Variants in PLEKHG1 observed in about 807,000 individuals in gnomAD.
The protein encoded by PLEKHG1 is pleckstrin homology domain-containing family G member 1.
Under a neutral mutation model 100.8 loss-of-function variants are expected in PLEKHG1, and 44 were observed. The observed-to-expected ratio is 0.44, with a 90% CI of 0.34 to 0.56. The LOEUF (loss-of-function observed/expected upper bound fraction) is 0.56, where lower values mean the gene tolerates loss of function less well. PLEKHG1 is among the 20% of genes least tolerant of loss of function. The probability of loss-of-function intolerance (pLI) is 0.01; values close to 1 mark genes in which losing one functional copy is unlikely to be tolerated. For missense variants in PLEKHG1, 1,545 were observed against 1,720.9 expected (o/e 0.90, Z 1.81); for synonymous variants, 640 against 662.5 (o/e 0.97, Z 0.52).
At chr6:150,758,463 G>A (rs1054043833) in intron 2 of PLEKHG1, among the ~76,000 whole-genome samples, 4 of 152,066 alleles carry the variant, frequency 2.6e-5, no homozygotes, top group Non-Finnish European at 5.9e-5. Flanking sequence ...AGCCTCCCGA[G>A]TAGCTGGAAT....
intron 3 of PLEKHG1, among the ~76,000 whole-genome samples, chr6:150,659,311 T>A (rs878914734): frequency 6.6e-6 from 1 of 152,204 alleles, no homozygotes; most frequent in Non-Finnish European, 1.5e-5. Flanking sequence ...CAGTTTTAAT[T>A]CAAGTGTTCT....
At chr6:150,672,624 G>T (rs1779619359) in intron 3 of PLEKHG1, among the ~76,000 whole-genome samples, 1 of 152,136 alleles carries the variant, frequency 6.6e-6, no homozygotes, top group Non-Finnish European at 1.5e-5. Flanking sequence ...GATAATTAAA[G>T]GAATGGAAAA....
At chr6:150,669,543 C>A (rs1366431812) in intron 3 of PLEKHG1, among the ~76,000 whole-genome samples, 4 of 150,970 alleles carry the variant, frequency 2.6e-5, no homozygotes, top group Non-Finnish European at 4.4e-5. Flanking sequence ...GTTACTGGAA[C>A]TGTGTATTTA....
chr6:150,655,038 T>A (rs558297129), intron 3 of PLEKHG1, among the ~76,000 whole-genome samples: 1 of 152,366 alleles, frequency 6.6e-6, no homozygotes, highest in South Asian at 2.1e-4. Context: ...AAAATCATTA[T>A]ACAAACCAAA....
intron 1 of PLEKHG1, among the ~76,000 whole-genome samples, chr6:150,633,802 C>T (rs1013981758): frequency 1.3e-5 from 2 of 152,086 alleles, no homozygotes; most frequent in Non-Finnish European, 2.9e-5. Flanking sequence ...TATCATCCTC[C>T]GTGGAGGCTG....
intron 3 of PLEKHG1, among the ~76,000 whole-genome samples, chr6:150,690,855 C>G (rs1780325481): frequency 6.6e-6 from 1 of 152,202 alleles, no homozygotes; most frequent in Non-Finnish European, 1.5e-5. Context: ...ATTCTGTTCT[C>G]CTGCTTTTGG....
At chr6:150,648,198 AC>A (rs1778578822) in intron 2 of PLEKHG1, among the ~76,000 whole-genome samples, 1 of 152,094 alleles carries the variant, frequency 6.6e-6, no homozygotes, top group South Asian at 2.1e-4. Flanking sequence ...AATGATCTTA[AC>A]CTTTACTATT....
At chr6:150,749,049 C>T (rs940903435) in intron 2 of PLEKHG1, among the ~76,000 whole-genome samples, 3 of 152,024 alleles carry the variant, frequency 2.0e-5, no homozygotes, top group African/African-American at 2.4e-5. Flanking sequence ...TGATTAGCAC[C>T]GACCTGGCAT....
chr6:150,786,349 G>C (rs904874804), intron 3 of PLEKHG1, 41 bp from the exon 5 acceptor site: 3 of 1,292,634 alleles, frequency 2.3e-6, no homozygotes, highest in Non-Finnish European at 3.4e-6. Context: ...TCACCCAGAA[G>C]ACTACAATCT....
chr6:150,771,964 T>G (rs1784734820), intron 3 of PLEKHG1, among the ~76,000 whole-genome samples: 2 of 152,192 alleles, frequency 1.3e-5, no homozygotes, highest in Admixed American at 1.3e-4. Flanking sequence ...TTTCTTTGTG[T>G]CTTATTTGCT....
intron 1 of PLEKHG1, among the ~76,000 whole-genome samples, chr6:150,732,758 G>T (rs1782338480): frequency 6.6e-6 from 1 of 152,128 alleles, no homozygotes; most frequent in Admixed American, 6.5e-5. Context: ...GCTAATTTTT[G>T]TGTTTTTTAG....
At chr6:150,681,990 C>A (rs1042577765) in intron 3 of PLEKHG1, among the ~76,000 whole-genome samples, 1 of 152,182 alleles carries the variant, frequency 6.6e-6, no homozygotes, top group Non-Finnish European at 1.5e-5. Flanking sequence ...TCTAAAAAGC[C>A]TATTAACACA....
exon 15 of PLEKHG1, chr6:150,832,130 A>G (rs1691053981): frequency 1.2e-6 from 2 of 1,613,468 alleles, no homozygotes; most frequent in African/African-American, 2.7e-5. Flanking sequence ...GCCGCCGGCC[A>G]GTCAGCATCA....
intron 2 of PLEKHG1, among the ~76,000 whole-genome samples, chr6:150,747,055 A>G (rs186617402): frequency 1.4e-4 from 21 of 152,346 alleles, no homozygotes; most frequent in Admixed American, 9.8e-4. Context: ...TGGTCTGCTG[A>G]TATATTGCAA....
At chr6:150,706,051 CAATTCT>C (rs1455739120) in intron 3 of PLEKHG1, among the ~76,000 whole-genome samples, 11 of 152,152 alleles carry the variant, frequency 7.2e-5, no homozygotes, top group African/African-American at 2.7e-4. Flanking sequence ...CTAGAATCTC[CAATTCT>C]AAGTCTTCAC....
chr6:150,647,186 A>T (rs1190339248), intron 2 of PLEKHG1, among the ~76,000 whole-genome samples: 2 of 152,224 alleles, frequency 1.3e-5, no homozygotes, highest in African/African-American at 4.8e-5. Flanking sequence ...TCCTTGTTTA[A>T]GCCATGCCTA....
At chr6:150,634,250 CAAA>C (rs139347441) in intron 1 of PLEKHG1, among the ~76,000 whole-genome samples, 2 of 120,326 alleles carry the variant, frequency 1.7e-5, no homozygotes, top group Non-Finnish European at 3.5e-5. Context: ...ATCTCCCCCC[CAAA>C]AAAAAAAAAG....
At chr6:150,807,672 G>A (rs1787214777) in intron 7 of PLEKHG1, among the ~76,000 whole-genome samples, 4 of 152,084 alleles carry the variant, frequency 2.6e-5, no homozygotes, top group Admixed American at 2.6e-4. Context: ...ACTTTACTTA[G>A]AGAGAATGAA....
At chr6:150,750,447 G>A (rs1783440758) in intron 2 of PLEKHG1, among the ~76,000 whole-genome samples, 1 of 152,130 alleles carries the variant, frequency 6.6e-6, no homozygotes, top group African/African-American at 2.4e-5. Flanking sequence ...GACGATCAGT[G>A]TTGAGATTTA....
Sources: gnomAD v4.1 joint callset for allele counts (sites outside exome capture counted in the v4.1 genomes callset) on GRCh38, gnomAD v4.1.1 for gene constraint, MANE v1.5 for transcripts, NCBI Gene and HGNC (gene_info 2026-07-23, HGNC 2026-07-21) for gene names.